BGN: variants seen among roughly 807,000 people sequenced by gnomAD.
BGN encodes biglycan, also known as bone/cartilage proteoglycan-I.
Under a neutral mutation model 20.0 loss-of-function variants are expected in BGN, and 6 were observed. The ratio of observed to expected loss-of-function variants is 0.30; its 90% CI spans 0.16 to 0.59. BGN has a LOEUF of 0.59. Ranked by LOEUF, BGN falls within the 20% of genes least tolerant of loss-of-function variation. The pLI is 0.88. For missense variants in BGN, 292 were observed against 312.1 expected, an observed-to-expected ratio of 0.94 and a Z score of 0.49; for synonymous variants, 146 against 134.6, an observed-to-expected ratio of 1.08 and a Z score of -0.59.
At chrX:153,500,789 G>GTA (rs1556991641) in intron 1 of BGN, among the ~76,000 whole-genome samples, 26 of 110,109 alleles carry the variant, frequency 2.4e-4, no homozygotes, top group South Asian at 7.6e-4. Context: ...GCATGTGTGT[G>GTA]CATGTGTGTA....
Position 153,498,155 on chromosome X carries a change from C to T in BGN, c.-12+3042C>T, listed in dbSNP as rs192037289. ...AGCCAGCCTTCTTGCATGGAACTCTCCTGGTCCACTGCATCTTAAGCCTGA... is the reference window on the plus strand; with the variant it reads ...AGCCAGCCTTCTTGCATGGAACTCTTCTGGTCCACTGCATCTTAAGCCTGA... On this transcript the variant is annotated intron_variant, in intron 1 of 7. Coordinates refer to ENST00000331595, the MANE Select transcript of BGN (RefSeq NM_001711.6). Among the ~76,000 whole-genome samples, 58 of 112,914 alleles carry T rather than the reference C, an allele frequency of 5.1e-4. 1 individual carries two copies. Among genetic ancestry groups the T allele is most frequent in the Middle Eastern group, 4.6e-3 (1 of 219 alleles).
At chrX:153,497,063 G>A (rs1569532110) in intron 1 of BGN, among the ~76,000 whole-genome samples, 1 of 99,863 alleles carries the variant, frequency 1.0e-5, no homozygotes, top group Admixed American at 1.1e-4. Flanking sequence ...CAGCCCTGGG[G>A]TCCCTGGCAC....
At position 153,506,513 on chromosome X, in the gene BGN, G is replaced by T. The variant is rs375019160; in HGVS notation, c.566-16G>T. The T allele has an allele frequency of 4.2e-6, 5 of 1,199,621 alleles. No individual in the cohort carries two copies. The African/African-American group carries it at 7.0e-5, about 17-fold the overall frequency. On this transcript the variant is annotated splice_polypyrimidine_tract_variant and intron_variant, in intron 4 of 7. Transcript: ENST00000331595. ...GGGACCACCAGGCTCCCGGGCTAAT[G>T]AGGTCTCTCCCCTAGAGATGGGCGG...
At chrX:153,501,353 A>T (rs1479718871) in intron 1 of BGN, among the ~76,000 whole-genome samples, 3 of 112,765 alleles carry the variant, frequency 2.7e-5, no homozygotes, top group Non-Finnish European at 3.8e-5. Flanking sequence ...AGTCTTGGGC[A>T]TTCAGGCTCT....
At chrX:153,501,381 G>A (rs1556991867) in intron 1 of BGN, among the ~76,000 whole-genome samples, 1 of 113,029 alleles carries the variant, frequency 8.8e-6, no homozygotes, top group Admixed American at 9.3e-5. Flanking sequence ...CCAGAGACAT[G>A]GCTGGAGCCC....
intron 1 of BGN, among the ~76,000 whole-genome samples, chrX:153,496,952 A>ACCCCCCACCCCCCC (rs2089720512): frequency 5.1e-4 from 9 of 17,488 alleles, no homozygotes; most frequent in Admixed American, 1.3e-3. Flanking sequence ...TCCCGGGCCC[A>ACCCCCCACCCCCCC]CCCCCCACCC....
At chrX:153,499,759 C>A (rs1019363317) in intron 1 of BGN, among the ~76,000 whole-genome samples, 1 of 112,686 alleles carries the variant, frequency 8.9e-6, no homozygotes, top group Admixed American at 9.3e-5. Context: ...GAGCCATCGG[C>A]GGGGAGGGAC....
At chrX:153,504,530 G>A (rs991970152) in intron 1 of BGN, 91 bp from the exon 2 acceptor site, 2 of 779,328 alleles carry the variant, frequency 2.6e-6, no homozygotes, top group Non-Finnish European at 3.6e-6. Flanking sequence ...GGATGGGAAC[G>A]CAGTGCCACC....
intron 1 of BGN, among the ~76,000 whole-genome samples, chrX:153,503,780 G>C (rs2089777934): frequency 8.9e-6 from 1 of 111,884 alleles, no homozygotes; most frequent in Admixed American, 9.3e-5. Flanking sequence ...GCTCCCCTGG[G>C]GGGCCTCTCT....
At chrX:153,505,553 G>A (rs1332276779) in intron 3 of BGN, among the ~76,000 whole-genome samples, 2 of 112,025 alleles carry the variant, frequency 1.8e-5, no homozygotes, top group East Asian at 5.6e-4. Context: ...GGACCGGATC[G>A]CTCAGTTCGG....
rs371093013 is a variant in BGN at position 153,505,846 on chromosome X, C to T, written c.352-17C>T. The T allele has an allele frequency of 9.2e-6, 11 of 1,200,275 alleles. No homozygotes were observed. The highest frequency in any genetic ancestry group is 8.9e-5 in the East Asian group (3 of 33,583). The stretch of plus-strand genomic sequence containing the variant: ...GGGGAGTCTGTGCCTTCACCTCCTC[C>T]GCCCACCCTGCTTCAGGCCCTCGTC... On this transcript the variant is annotated splice_polypyrimidine_tract_variant and intron_variant, in intron 3 of 7. Coordinates refer to ENST00000331595, the MANE Select transcript of BGN (RefSeq NM_001711.6).
chrX:153,501,073 C>A (rs915694702), intron 1 of BGN, among the ~76,000 whole-genome samples: 19 of 107,683 alleles, frequency 1.8e-4, no homozygotes, highest in Non-Finnish European at 3.3e-4. Flanking sequence ...GATGTGTGTA[C>A]ATATGTGTTT....
At chrX:153,501,058 A>G (rs2089756212) in intron 1 of BGN, among the ~76,000 whole-genome samples, 1 of 108,540 alleles carries the variant, frequency 9.2e-6, no homozygotes, top group African/African-American at 3.4e-5. Context: ...ATGTGGATGC[A>G]TGTGGATGTG....
At chrX:153,502,831 G>A (rs782483589) in intron 1 of BGN, among the ~76,000 whole-genome samples, 1 of 112,990 alleles carries the variant, frequency 8.9e-6, no homozygotes, top group Non-Finnish European at 1.9e-5. Flanking sequence ...GTGGCCCAGG[G>A]CCTGTGGGCT....
intron 3 of BGN, 200 bp downstream of exon 3, chrX:153,505,550 A>G (rs2089793931): frequency 2.2e-6 from 1 of 446,891 alleles, no homozygotes; most frequent in African/African-American, 2.5e-5. Context: ...GCAGGACCGG[A>G]TCGCTCAGTT....
Position 153,506,940 on chromosome X carries a change from A to G in BGN, c.770+17A>G. The stretch of plus-strand genomic sequence containing the variant: ...GCTGTACAGGTGAGGCCAGCAGGGC[A>G]CCGCCCAAGGGTGATGCCAGAGTCC... On this transcript the variant is annotated intron_variant, in intron 6 of 7. Coordinates refer to ENST00000331595, the MANE Select transcript of BGN (RefSeq NM_001711.6). 8.3e-7 allele frequency: 1 copy of G among 1,209,569 alleles called. No homozygotes were observed. Among genetic ancestry groups the G allele is most frequent in the Non-Finnish European group, 1.1e-6 (1 of 893,408 alleles).
intron 1 of BGN, among the ~76,000 whole-genome samples, chrX:153,503,825 C>A (rs1003456109): frequency 9.4e-6 from 1 of 106,390 alleles, no homozygotes; most frequent in East Asian, 3.0e-4. Flanking sequence ...AGGAAGGGTG[C>A]GAGCAGATCT....
At chrX:153,505,819 G>A (rs782174552) in intron 3 of BGN, 44 bp from the exon 4 acceptor site, 159 of 1,046,839 alleles carry the variant, frequency 1.5e-4, no homozygotes, top group Middle Eastern at 1.3e-3. Flanking sequence ...GGCGGGTGGG[G>A]TGGGGAGTCT....
rs782169959 is a variant in BGN at position 153,497,510 on chromosome X, C to T, written c.-12+2397C>T. 1.7e-4 allele frequency among the ~76,000 whole-genome samples: 19 copies of T among 111,885 alleles called. No individual in the cohort carries two copies. The Admixed American group carries it at 1.8e-3, about 10-fold the overall frequency. On this transcript the variant is annotated intron_variant, in intron 1 of 7. Coordinates refer to ENST00000331595, the MANE Select transcript of BGN (RefSeq NM_001711.6). Reference sequence around the variant, plus strand: ...TGGGTTGGGAGATCAGGGGCCACAGCTCGGCCACTCAGAGCCCTTTCCGCA... The same window carrying T: ...TGGGTTGGGAGATCAGGGGCCACAGTTCGGCCACTCAGAGCCCTTTCCGCA...
Sources: allele counts gnomAD v4.1 joint callset (sites outside exome capture counted in the v4.1 genomes callset), GRCh38; gene constraint gnomAD v4.1.1; transcripts MANE v1.5; gene names NCBI Gene and HGNC (gene_info 2026-07-23, HGNC 2026-07-21).